BEND7: variants seen among roughly 807,000 people sequenced by gnomAD.
The protein encoded by BEND7 is BEN domain-containing protein 7.
Under a neutral mutation model 50.9 loss-of-function variants are expected in BEND7, and 28 were observed. That is an observed-to-expected ratio of 0.55 (90% confidence interval 0.41 to 0.75). The LOEUF (loss-of-function observed/expected upper bound fraction) is 0.75, where lower values mean the gene tolerates loss of function less well. Ranked by LOEUF, BEND7 falls within the 30% of genes least tolerant of loss-of-function variation. BEND7 has a pLI of 0.00. For synonymous variants in BEND7, 170 were observed against 183.9 expected (o/e 0.92, Z 0.61); for missense variants, 477 against 491.3 (o/e 0.97, Z 0.28).
intron 5 of BEND7, among the ~76,000 whole-genome samples, chr10:13,483,827 G>C (rs2076034652): frequency 6.6e-6 from 1 of 152,182 alleles, no homozygotes; most frequent in Non-Finnish European, 1.5e-5. Context: ...GCTGCTGGGG[G>C]TACGGGAGGA....
At chr10:13,490,471 C>T (rs1245944679) in intron 5 of BEND7, among the ~76,000 whole-genome samples, 2 of 152,198 alleles carry the variant, frequency 1.3e-5, no homozygotes, top group Non-Finnish European at 2.9e-5. Flanking sequence ...ACTCAGTCCC[C>T]GTGTCCCTCC....
chr10:13,458,566 C>A (rs189298945), intron 6 of BEND7, among the ~76,000 whole-genome samples: 1 of 152,326 alleles, frequency 6.6e-6, no homozygotes, highest in African/African-American at 2.4e-5. Context: ...AGCCCAGCTT[C>A]AGAGTTGATG....
At chr10:13,518,246 T>C (rs2078836206) in intron 2 of BEND7, among the ~76,000 whole-genome samples, 1 of 152,194 alleles carries the variant, frequency 6.6e-6, no homozygotes, top group Non-Finnish European at 1.5e-5. Context: ...AGAGGTGGCT[T>C]TTCCCCAGGA....
chr10:13,497,127 G>A (rs969491151), intron 3 of BEND7, among the ~76,000 whole-genome samples: 2 of 152,156 alleles, frequency 1.3e-5, no homozygotes, highest in African/African-American at 2.4e-5. Context: ...GGCGCGGTGC[G>A]GGAGCCCGCA....
intron 6 of BEND7, 46 bp from the exon 7 acceptor site, chr10:13,452,704 T>C (rs1388571169): frequency 6.0e-6 from 9 of 1,500,096 alleles, no homozygotes; most frequent in Non-Finnish European, 8.1e-6. Context: ...ACAAGTAAAA[T>C]ATGCAGATCT....
intron 5 of BEND7, among the ~76,000 whole-genome samples, chr10:13,487,663 G>A (rs2076331921): frequency 6.6e-6 from 1 of 152,038 alleles, no homozygotes; most frequent in Admixed American, 6.6e-5. Flanking sequence ...TAGGATTACA[G>A]GCGTGAGCCA....
rs778319557 is a variant in BEND7 at position 13,480,865 on chromosome 10, G to A, written c.1063+34C>T. On this transcript the variant is annotated intron_variant, in intron 6 of 8. Coordinates refer to ENST00000466271, the MANE Select transcript of BEND7 (RefSeq NM_001369863.1). ...TTACGGAATGAAGGGAAAGCTCAAC[G>A]AAGAACCCACAAAATGAAATGATGC... The A allele has an allele frequency of 4.3e-5, 70 of 1,611,604 alleles. No individual in the cohort carries two copies. The South Asian group carries it at 6.6e-4, about 15-fold the overall frequency.
intron 5 of BEND7, among the ~76,000 whole-genome samples, chr10:13,490,963 C>A (rs1214927156): frequency 3.9e-5 from 6 of 152,074 alleles, no homozygotes; most frequent in Non-Finnish European, 7.4e-5. Context: ...GCCACCACAT[C>A]CAGCTAATTT....
At chr10:13,457,609 A>G (rs1228642257) in intron 6 of BEND7, among the ~76,000 whole-genome samples, 1 of 152,232 alleles carries the variant, frequency 6.6e-6, no homozygotes, top group Non-Finnish European at 1.5e-5. Context: ...TACTTACTGA[A>G]GACGAAATCC....
intron 2 of BEND7, among the ~76,000 whole-genome samples, chr10:13,524,821 T>C (rs756669312): frequency 4.6e-5 from 7 of 152,160 alleles, no homozygotes; most frequent in Non-Finnish European, 4.4e-5. Flanking sequence ...CCCAGTGATA[T>C]TCTTTCCCTC....
At chr10:13,525,489 TC>T (rs1489078150) in intron 2 of BEND7, among the ~76,000 whole-genome samples, 1 of 152,110 alleles carries the variant, frequency 6.6e-6, no homozygotes, top group East Asian at 1.9e-4. Flanking sequence ...AGCATGCTGT[TC>T]CCCCTGTCCC....
rs182416989 is a variant in BEND7, at chr10:13,460,974, G to T, written c.1064-8316C>A. Among the ~76,000 whole-genome samples the T allele has an allele frequency of 3.5e-3, 536 of 152,310 alleles. 5 individuals are homozygous for T. The highest frequency in any genetic ancestry group is 5.6e-3 in the Non-Finnish European group (379 of 68,032). ...TCCTGCAGTGAAATGGAGGATAAAGGCAGTAAGAAGTCAAGGACAGCCCAG... is the reference window on the plus strand; with the variant it reads ...TCCTGCAGTGAAATGGAGGATAAAGTCAGTAAGAAGTCAAGGACAGCCCAG... On this transcript the variant is annotated intron_variant, in intron 6 of 8. Coordinates refer to ENST00000466271, the MANE Select transcript of BEND7 (RefSeq NM_001369863.1).
chr10:13,463,318 A>G (rs2131316623), intron 6 of BEND7, among the ~76,000 whole-genome samples: 1 of 152,326 alleles, frequency 6.6e-6, no homozygotes, highest in South Asian at 2.1e-4. Context: ...AACAACACAG[A>G]GGCAAAGAAC....
intron 4 of BEND7, among the ~76,000 whole-genome samples, chr10:13,496,326 C>A (rs1374797101): frequency 6.6e-6 from 1 of 152,206 alleles, no homozygotes; most frequent in Non-Finnish European, 1.5e-5. Flanking sequence ...ACAAAGACGA[C>A]AGAACACGGC....
At chr10:13,473,451 G>A (rs1296977266) in intron 6 of BEND7, among the ~76,000 whole-genome samples, 2 of 149,562 alleles carry the variant, frequency 1.3e-5, no homozygotes, top group Admixed American at 6.7e-5. Flanking sequence ...ATTTGGGGTC[G>A]ATACCCATCA....
intron 6 of BEND7, among the ~76,000 whole-genome samples, chr10:13,467,882 T>C (rs1198808344): frequency 6.6e-6 from 1 of 152,206 alleles, no homozygotes; most frequent in Non-Finnish European, 1.5e-5. Flanking sequence ...CCTTCCTGTA[T>C]TTATGGATCA....
At chr10:13,458,792 A>G (rs1468584165) in intron 6 of BEND7, among the ~76,000 whole-genome samples, 1 of 151,926 alleles carries the variant, frequency 6.6e-6, no homozygotes, top group Non-Finnish European at 1.5e-5. Context: ...GCAGAGGGAG[A>G]GGGAGTCATG....
chr10:13,445,259 TA>T (rs1488225422), intron 8 of BEND7: 1 of 152,118 alleles, frequency 6.6e-6, no homozygotes, highest in East Asian at 1.9e-4. Context: ...CAGCCTTGGG[TA>T]AAGTTTGAGA....
intron 2 of BEND7, among the ~76,000 whole-genome samples, chr10:13,508,987 C>A (rs1166284562): frequency 6.6e-6 from 1 of 152,162 alleles, no homozygotes; most frequent in East Asian, 1.9e-4. Context: ...CGCCAAGGAT[C>A]CTAGTGGGAA....
Sources: gnomAD v4.1 joint callset for allele counts (sites outside exome capture counted in the v4.1 genomes callset) on GRCh38, gnomAD v4.1.1 for gene constraint, MANE v1.5 for transcripts, NCBI Gene and HGNC (gene_info 2026-07-23, HGNC 2026-07-21) for gene names.